Variants in CASR observed in about 807,000 individuals in gnomAD.
The protein encoded by CASR is extracellular calcium-sensing receptor.
A neutral mutation model predicts 69.1 loss-of-function variants in CASR; 23 were observed. That is an observed-to-expected ratio of 0.33 (90% confidence interval 0.24 to 0.47). CASR has a LOEUF of 0.47. CASR is among the 20% of genes least tolerant of loss of function. CASR has a pLI of 1.00. For missense variants in CASR, 924 were observed against 1,356.1 expected, an observed-to-expected ratio of 0.68 and a Z score of 5.00; for synonymous variants, 541 against 544.7, an observed-to-expected ratio of 0.99 and a Z score of 0.10.
In CASR at chr3:122,275,839, T is replaced by C. The variant is rs575371072; in HGVS notation, c.1405T>C (p.Phe469Leu). 6.2e-7 allele frequency: 1 copy of C among 1,614,054 alleles called. No individual in the cohort carries two copies. Among genetic ancestry groups the C allele is most frequent in the East Asian group, 2.2e-5 (1 of 44,882 alleles). Residue 469 changes from phenylalanine to leucine, a missense_variant, in exon 5 of 7, where the codon TTT (phenylalanine) becomes CTT (leucine). Physicochemically the swap from Phe to Leu is conservative, Grantham distance 22. This residue lies in a region of CASR where 310 missense variants were observed against 395.7 expected (regional missense o/e 0.78). Transcript: ENST00000639785. ...QVLKHLRHLNFTNNMGEQVTF... is the reference protein window; with the variant it reads ...QVLKHLRHLNLTNNMGEQVTF... ...CCTGAAGCACCTACGGCATCTAAAC[T>C]TTACAAACAATATGGGGGAGCAGGT... is the stretch of plus-strand genomic sequence containing the variant.
At chr3:122,242,210 T>C (rs562143555) in intron 1 of CASR, among the ~76,000 whole-genome samples, 1 of 151,998 alleles carries the variant, frequency 6.6e-6, no homozygotes, top group African/African-American at 2.4e-5. Context: ...GAAAGAAAGG[T>C]CATCCACATT....
At chr3:122,196,034 A>T (rs1265707874) in intron 1 of CASR, among the ~76,000 whole-genome samples, 1 of 152,208 alleles carries the variant, frequency 6.6e-6, no homozygotes, top group African/African-American at 2.4e-5. Flanking sequence ...GAAATTCAGG[A>T]TGGCCATATT....
At chr3:122,185,160 T>A (rs919729391) in intron 1 of CASR, among the ~76,000 whole-genome samples, 3 of 152,244 alleles carry the variant, frequency 2.0e-5, no homozygotes, top group Admixed American at 2.0e-4. Context: ...ATAACATGCA[T>A]ATGTTTCTTT....
intron 1 of CASR, among the ~76,000 whole-genome samples, chr3:122,191,304 TG>T (rs537685803): frequency 1.3e-5 from 2 of 152,202 alleles, no homozygotes; most frequent in Non-Finnish European, 2.9e-5. Flanking sequence ...TGGGTTTTTT[TG>T]TTTTTTGTTT....
Position 122,289,194 on chromosome 3 carries a change from C to A in CASR, c.*4003C>A, listed in dbSNP as rs1357940443. ...TATTGCTACAAGAATAATGGAACAT[C>A]AATAAGGGGTGCTAATCACCGGAGG... On this transcript the variant is annotated 3_prime_UTR_variant, in exon 7 of 7. Transcript: ENST00000639785. 3 of 152,190 alleles carry A rather than the reference C, an allele frequency of 2.0e-5. No homozygotes were observed. The highest frequency in any genetic ancestry group is 4.4e-5 in the Non-Finnish European group (3 of 68,056). 9.4% of individuals were successfully genotyped at this position (152,190 alleles called of 1,614,324 possible).
chr3:122,234,912 T>C (rs988196326), intron 1 of CASR, among the ~76,000 whole-genome samples: 4 of 152,376 alleles, frequency 2.6e-5, no homozygotes, highest in African/African-American at 9.6e-5. Context: ...TGGTTCCTGA[T>C]TCTTCTGGGC....
chr3:122,232,917 G>A (rs1311821097), intron 1 of CASR, among the ~76,000 whole-genome samples: 5 of 152,152 alleles, frequency 3.3e-5, no homozygotes, highest in Admixed American at 1.3e-4. Context: ...CAGCAAGCAA[G>A]ATGTCTCTGT....
intron 5 of CASR, among the ~76,000 whole-genome samples, chr3:122,279,789 T>C (rs1373003912): frequency 2.6e-5 from 4 of 152,172 alleles, no homozygotes; most frequent in African/African-American, 9.7e-5. Flanking sequence ...GCAACCATCA[T>C]TCTTTTTTCA....
chr3:122,254,508 AAGC>A (rs1303883542), intron 2 of CASR, 134 bp downstream of exon 2: 1 of 889,542 alleles, frequency 1.1e-6, no homozygotes, highest in Non-Finnish European at 1.8e-6. Context: ...AATCATGCTG[AAGC>A]TTATTGCCCC....
intron 4 of CASR, 77 bp downstream of exon 4, chr3:122,262,489 T>A: frequency 2.3e-6 from 3 of 1,313,510 alleles, no homozygotes; most frequent in Non-Finnish European, 3.3e-6. Flanking sequence ...AGAAAAATAG[T>A]GGTCATTTGA....
At chr3:122,209,069 A>C (rs1023165402) in intron 1 of CASR, among the ~76,000 whole-genome samples, 2 of 152,146 alleles carry the variant, frequency 1.3e-5, no homozygotes, top group Non-Finnish European at 2.9e-5. Context: ...GTAGTACTTA[A>C]ACTCAAGTGT....
chr3:122,255,711 T>C (rs2074547648), intron 2 of CASR, among the ~76,000 whole-genome samples: 1 of 152,206 alleles, frequency 6.6e-6, no homozygotes, highest in African/African-American at 2.4e-5. Flanking sequence ...TAATATTTCA[T>C]AATAACTTTG....
chr3:122,258,938 C>A (rs779433704), intron 3 of CASR, among the ~76,000 whole-genome samples: 1 of 151,902 alleles, frequency 6.6e-6, no homozygotes, highest in Non-Finnish European at 1.5e-5. Context: ...ACTGCCCTGC[C>A]GGGTGAGGTC....
intron 1 of CASR, among the ~76,000 whole-genome samples, chr3:122,214,186 C>T (rs1162541616): frequency 6.6e-6 from 1 of 152,256 alleles, no homozygotes; most frequent in Admixed American, 6.5e-5. Flanking sequence ...TTTCTACATA[C>T]AGTATCCGTT....
intron 1 of CASR, among the ~76,000 whole-genome samples, chr3:122,240,688 T>C (rs2074371411): frequency 6.6e-6 from 1 of 152,216 alleles, no homozygotes; most frequent in East Asian, 1.9e-4. Context: ...ATGGACCTAA[T>C]AGATATTTAC....
chr3:122,185,908 C>T (rs1157602358), intron 1 of CASR, among the ~76,000 whole-genome samples: 1 of 152,130 alleles, frequency 6.6e-6, no homozygotes, highest in Non-Finnish European at 1.5e-5. Flanking sequence ...GAGAAGACTC[C>T]TCAAGCACAG....
rs2074939274 is a variant in CASR, at chr3:122,284,425, C to T, written c.2471C>T (p.Ala824Val). The part of the protein sequence containing the change: ...FFIVWISFIP[A>V]YASTYGKFVS... ...ATCGTCTGGATCTCCTTCATTCCAG[C>T]CTATGCCAGCACCTATGGCAAGTTT... Residue 824 changes from alanine to valine, a missense_variant, in exon 7 of 7, where the codon GCC becomes GTC. Physicochemically the swap from Ala to Val is moderately conservative, Grantham distance 64. This residue lies in a region of CASR where 184 missense variants were observed against 278.8 expected (regional missense o/e 0.66). Coordinates refer to ENST00000639785, the MANE Select transcript of CASR (RefSeq NM_000388.4). 1 of 1,613,924 alleles carries T rather than the reference C, an allele frequency of 6.2e-7. No homozygotes were observed. The highest frequency in any genetic ancestry group is 8.5e-7 in the Non-Finnish European group (1 of 1,180,040).
intron 1 of CASR, among the ~76,000 whole-genome samples, chr3:122,200,835 A>G (rs925591713): frequency 3.3e-5 from 5 of 152,198 alleles, no homozygotes; most frequent in African/African-American, 7.2e-5. Flanking sequence ...CATTAGTGTA[A>G]GAGAGAGCTC....
chr3:122,244,955 C>T (rs1467288633), intron 1 of CASR, among the ~76,000 whole-genome samples: 3 of 152,052 alleles, frequency 2.0e-5, no homozygotes, highest in Non-Finnish European at 4.4e-5. Context: ...TATGTCCCTT[C>T]ATATAGCCAT....
Sources: allele counts gnomAD v4.1 joint callset (sites outside exome capture counted in the v4.1 genomes callset), GRCh38; gene constraint gnomAD v4.1.1; regional missense constraint gnomAD v4.1.1; transcripts MANE v1.5; gene names NCBI Gene and HGNC (gene_info 2026-07-23, HGNC 2026-07-21).